Variants in AP3D1 observed in about 807,000 individuals in gnomAD.
AP3D1 encodes adaptor related protein complex 3 subunit delta 1.
In AP3D1, 51 loss-of-function variants were observed where a neutral mutation model predicts 147.6. The observed-to-expected ratio is 0.35, with a 90% CI of 0.28 to 0.44. AP3D1 has a LOEUF of 0.44. Ranked by LOEUF, AP3D1 falls within the 20% of genes least tolerant of loss-of-function variation. The pLI, the probability that AP3D1 is intolerant of heterozygous loss-of-function variation, is 1.00. For missense variants in AP3D1, 1,421 were observed against 1,624.2 expected (o/e 0.87, Z 2.15); for synonymous variants, 760 against 663.0 (o/e 1.15, Z -2.25).
Position 2,116,709 on chromosome 19 carries a change from C to A in AP3D1, c.1897G>T (p.Asp633Tyr), listed in dbSNP as rs762253124. 3.7e-6 allele frequency: 6 copies of A among 1,611,816 alleles called. 1 individual carries two copies. The South Asian group carries it at 6.6e-5, about 18-fold the overall frequency. The change falls in exon 17 of 32, where the codon GAC (aspartate) becomes TAC (tyrosine). Residue 633 changes from aspartate (D) to tyrosine (Y), a missense_variant. This residue lies in a region of AP3D1 where 791 missense variants were observed against 761.4 expected (regional missense o/e 1.04). Transcript: ENST00000643116. ...GGCCTCTCGTCCTCTGACTCGCTGT[C>A]CGAGAGTGGCTCATTGATCCAGGCG... is the stretch of plus-strand genomic sequence containing the variant. ...LDAWINEPLSDSESEDERPRA... is the reference protein window; with the variant it reads ...LDAWINEPLSYSESEDERPRA...
At chr19:2,129,262 G>A in intron 7 of AP3D1, 56 bp downstream of exon 7, 4 of 1,597,138 alleles carry the variant, frequency 2.5e-6, no homozygotes, top group East Asian at 2.3e-5. Flanking sequence ...GCCCCACACA[G>A]GGTGAGGGAA....
At position 2,102,017 on chromosome 19, in the gene AP3D1, C is replaced by G. The variant is rs910559187; in HGVS notation, c.*156G>C. The stretch of plus-strand genomic sequence containing the variant: ...AGGATGGTCAGATAATTCAACGCAA[C>G]AAATGACCTCGGATGTCTACACGGC... On this transcript the variant is annotated 3_prime_UTR_variant, in exon 32 of 32. Coordinates refer to ENST00000643116, the MANE Select transcript of AP3D1 (RefSeq NM_001261826.3). 3.2e-6 allele frequency: 2 copies of G among 629,374 alleles called. No individual in the cohort carries two copies. The highest frequency in any genetic ancestry group is 3.7e-5 in the African/African-American group (2 of 53,396). 39.0% of individuals were successfully genotyped at this position (629,374 alleles called of 1,614,324 possible).
intron 23 of AP3D1, 183 bp downstream of exon 23, chr19:2,113,153 C>T (rs2018335189): frequency 1.4e-5 from 9 of 628,120 alleles, no homozygotes; most frequent in South Asian, 1.2e-4. Flanking sequence ...CTTCCCCTGG[C>T]CCCTGCTTGG....
chr19:2,103,265 C>A (rs1326175505), intron 31 of AP3D1, among the ~76,000 whole-genome samples: 1 of 152,006 alleles, frequency 6.6e-6, no homozygotes, highest in African/African-American at 2.4e-5. Context: ...CGGCCCAAGG[C>A]ACCTGGGTCT....
At chr19:2,146,739 G>A (rs1014365405) in intron 1 of AP3D1, among the ~76,000 whole-genome samples, 3 of 152,180 alleles carry the variant, frequency 2.0e-5, no homozygotes, top group Non-Finnish European at 4.4e-5. Context: ...GACAGCACGG[G>A]GGACGAGGGC....
chr19:2,150,243 GCTCT>G lies in AP3D1; in HGVS notation c.96+992_96+995del, dbSNP rs1346447499. On this transcript the variant is annotated intron_variant, in intron 1 of 31. Transcript: ENST00000643116. ...GGGACTGGTGCGGTATCAGACGGCG[GCTCT>G]CTTTCAGGCCTGCCTTGCTGTCCAC... Among the ~76,000 whole-genome samples, 10 of 152,260 alleles carry G rather than the reference GCTCT, an allele frequency of 6.6e-5. No individual in the cohort carries two copies. The Middle Eastern group carries it at 0.014, about 207-fold the overall frequency.
intron 9 of AP3D1, among the ~76,000 whole-genome samples, 159 bp downstream of exon 9, chr19:2,126,993 G>A (rs954930663): frequency 3.3e-5 from 5 of 152,158 alleles, no homozygotes; most frequent in South Asian, 2.1e-4. Context: ...GGCCTGGGAC[G>A]GACTCCCAGC....
chr19:2,118,200 C>T (rs1382907599), intron 15 of AP3D1, among the ~76,000 whole-genome samples: 1 of 152,150 alleles, frequency 6.6e-6, no homozygotes, highest in Non-Finnish European at 1.5e-5. Context: ...GAAAAACAGA[C>T]ACCTGGGAAG....
chr19:2,135,665 G>A (rs1025531213), intron 4 of AP3D1, among the ~76,000 whole-genome samples: 1 of 152,034 alleles, frequency 6.6e-6, no homozygotes, highest in African/African-American at 2.4e-5. Flanking sequence ...GCCAGGCCAG[G>A]GGCAGGCACC....
chr19:2,105,769 C>T (rs2018093411), intron 31 of AP3D1, among the ~76,000 whole-genome samples: 1 of 152,186 alleles, frequency 6.6e-6, no homozygotes, highest in African/African-American at 2.4e-5. Flanking sequence ...AAAGCAGCAA[C>T]AGATCAGCTC....
chr19:2,101,092 T>C lies in AP3D1; in HGVS notation c.*1081A>G, dbSNP rs143700949. On this transcript the variant is annotated 3_prime_UTR_variant, in exon 32 of 32. Coordinates refer to ENST00000643116, the MANE Select transcript of AP3D1 (RefSeq NM_001261826.3). ...TACGGGAATGTCGATAGCAAATAAA[T>C]TCTTATGTAACACATCATACAATTT... 1 of 152,716 alleles carries C rather than the reference T, an allele frequency of 6.5e-6. No individual in the cohort carries two copies. The highest frequency in any genetic ancestry group is 2.4e-5 in the African/African-American group (1 of 41,564). The allele number at this position is 152,716 out of a possible 1,614,324, so 9.5% of individuals were successfully genotyped here.
chr19:2,136,661 A>G (rs1000593102), intron 4 of AP3D1, among the ~76,000 whole-genome samples: 1 of 152,154 alleles, frequency 6.6e-6, no homozygotes, highest in Admixed American at 6.5e-5. Context: ...CCACAGCTAC[A>G]CCAGGCACTA....
chr19:2,123,310 C>A (rs2018660804), intron 11 of AP3D1, 48 bp downstream of exon 11: 2 of 1,587,560 alleles, frequency 1.3e-6, no homozygotes, highest in African/African-American at 2.7e-5. Context: ...CCTAACTTCA[C>A]AGAGCTGGGG....
intron 1 of AP3D1, among the ~76,000 whole-genome samples, 184 bp downstream of exon 1, chr19:2,151,055 C>T (rs2019494337): frequency 6.6e-6 from 1 of 152,268 alleles, no homozygotes; most frequent in South Asian, 2.1e-4. Flanking sequence ...GAAACTGATG[C>T]TGGGGGACCG....
At chr19:2,112,386 A>G (rs1174869463) in intron 24 of AP3D1, 1 of 177,424 alleles carries the variant, frequency 5.6e-6, no homozygotes, top group African/African-American at 2.4e-5. Flanking sequence ...CCTTGAGGAC[A>G]TCACACTCAG....
At chr19:2,163,556 C>T (rs1599513292) in intron 1 of AP3D1, among the ~76,000 whole-genome samples, 1 of 151,132 alleles carries the variant, frequency 6.6e-6, no homozygotes, top group African/African-American at 2.4e-5. Context: ...CTTGGAGCTA[C>T]AGCAAGTCCT....
chr19:2,104,860 G>C (rs2018067559), intron 31 of AP3D1, among the ~76,000 whole-genome samples: 1 of 151,522 alleles, frequency 6.6e-6, no homozygotes, highest in Admixed American at 6.6e-5. Flanking sequence ...ATTTTTTGTA[G>C]ACCTGGGGTC....
intron 1 of AP3D1, among the ~76,000 whole-genome samples, chr19:2,139,143 C>T (rs1434151992): frequency 6.6e-6 from 1 of 151,090 alleles, no homozygotes; most frequent in East Asian, 1.9e-4. Flanking sequence ...TATGAAATGT[C>T]CAGATCAGGC....
rs959793045 is a variant in AP3D1, at chr19:2,111,323, T to G, written c.2947A>C (p.Ser983Arg). The change falls in exon 26 of 32, where the codon AGC becomes CGC. Residue 983 changes from serine to arginine, a missense_variant. By Grantham distance (110) the Ser-to-Arg change is moderately radical. Coordinates refer to ENST00000643116, the MANE Select transcript of AP3D1 (RefSeq NM_001261826.3). ...GAATTTTCAGCGAGGAGGGAGTAGC[T>G]GGACTCAGGCTGGAAATAGAAAAGG... The part of the protein sequence containing the change: ...PEEEQLPPES[S>R]YSLLAENSYV... The G allele has an allele frequency of 1.2e-6, 2 of 1,613,846 alleles. No homozygotes were observed. Among genetic ancestry groups the G allele is most frequent in the African/African-American group, 2.7e-5 (2 of 74,934 alleles).
Sources: gnomAD v4.1 joint callset for allele counts (sites outside exome capture counted in the v4.1 genomes callset) on GRCh38, gnomAD v4.1.1 for gene constraint, gnomAD v4.1.1 regional missense constraint, MANE v1.5 for transcripts, NCBI Gene and HGNC (gene_info 2026-07-23, HGNC 2026-07-21) for gene names.